The following CASK variants were observed in gnomAD, a reference collection of about 807,000 sequenced individuals.
CASK encodes the protein calcium/calmodulin dependent serine protein kinase.
In CASK, 4 loss-of-function variants were observed where a neutral mutation model predicts 82.9. The ratio of observed to expected loss-of-function variants is 0.05; its 90% CI spans 0.02 to 0.11. CASK has a LOEUF of 0.11. CASK is among the 10% of genes least tolerant of loss of function. CASK has a pLI of 1.00. For missense variants in CASK, 358 were observed against 720.9 expected (o/e 0.50, Z 5.76); for synonymous variants, 259 against 253.5 (o/e 1.02, Z -0.20).
In CASK at chrX:41,809,061, G is replaced by C. The variant is rs189321936; in HGVS notation, c.173-21778C>G. Among the ~76,000 whole-genome samples, 24 of 112,514 alleles carry C rather than the reference G, an allele frequency of 2.1e-4. No homozygotes were observed. The Admixed American group carries it at 2.2e-3, about 10-fold the overall frequency. On this transcript the variant is annotated intron_variant, in intron 2 of 26. Transcript: ENST00000378163. ...TGGGGGAGGGGTGCCCGCCATTGCT[G>C]AGGCTTAAGTAGGTAAACAAAGCGG... is the stretch of plus-strand genomic sequence containing the variant.
intron 1 of CASK, among the ~76,000 whole-genome samples, chrX:41,860,938 A>G (rs1279968619): frequency 8.9e-6 from 1 of 112,299 alleles, no homozygotes; most frequent in Non-Finnish European, 1.9e-5. Flanking sequence ...AACAGCTAGC[A>G]ATGAATCTCC....
At chrX:41,711,824 A>AACC (rs1337487707) in intron 5 of CASK, among the ~76,000 whole-genome samples, 1 of 111,852 alleles carries the variant, frequency 8.9e-6, no homozygotes, top group Non-Finnish European at 1.9e-5. Context: ...GAGAGAGACA[A>AACC]ACCACCCGAC....
At chrX:41,555,577 T>A in intron 20 of CASK, 23 bp downstream of exon 20, 1 of 1,163,348 alleles carries the variant, frequency 8.6e-7, no homozygotes, top group Non-Finnish European at 1.2e-6. Context: ...TTAGAGAAGT[T>A]TCTATAGAGG....
chrX:41,838,229 G>T (rs1000977970), intron 2 of CASK, among the ~76,000 whole-genome samples: 4 of 112,042 alleles, frequency 3.6e-5, no homozygotes, highest in Non-Finnish European at 7.5e-5. Context: ...TTCCCTAATG[G>T]ATAATGATGT....
chrX:41,790,211 G>C, intron 2 of CASK: 3 of 989,172 alleles, frequency 3.0e-6, no homozygotes, highest in African/African-American at 2.1e-5. Flanking sequence ...TTCTTGGACT[G>C]GTGGTTCATA....
chrX:41,608,626 C>T (rs1459150784), intron 12 of CASK, among the ~76,000 whole-genome samples: 1 of 112,366 alleles, frequency 8.9e-6, no homozygotes, highest in African/African-American at 3.2e-5. Context: ...GAACCAAGTT[C>T]TCTAAGAAAG....
At chrX:41,692,718 A>G (rs1022885897) in intron 5 of CASK, among the ~76,000 whole-genome samples, 5 of 111,931 alleles carry the variant, frequency 4.5e-5, no homozygotes, top group Non-Finnish European at 9.4e-5. Context: ...GCTGCTGTGG[A>G]TCAAACACTG....
chrX:41,620,464 T>C (rs1002823039), intron 11 of CASK, among the ~76,000 whole-genome samples: 14 of 112,114 alleles, frequency 1.2e-4, no homozygotes, highest in Admixed American at 1.2e-3. Flanking sequence ...TAGCGATCAA[T>C]TAATACATTG....
chrX:41,545,232 C>T (rs1333737328), intron 21 of CASK, among the ~76,000 whole-genome samples: 5 of 111,508 alleles, frequency 4.5e-5, no homozygotes, highest in Non-Finnish European at 7.5e-5. Context: ...TTCACCATGT[C>T]GGCCAGGCTG....
At chrX:41,896,644 T>C (rs2072275755) in intron 1 of CASK, among the ~76,000 whole-genome samples, 1 of 112,085 alleles carries the variant, frequency 8.9e-6, no homozygotes, top group African/African-American at 3.2e-5. Flanking sequence ...ATACAAATGC[T>C]ATTGTTTTTA....
At chrX:41,707,390 C>T (rs759745234) in intron 5 of CASK, among the ~76,000 whole-genome samples, 2 of 111,841 alleles carry the variant, frequency 1.8e-5, no homozygotes, top group African/African-American at 6.5e-5. Context: ...AACCAGCTAG[C>T]CTCAGCTGAG....
intron 3 of CASK, among the ~76,000 whole-genome samples, chrX:41,768,092 CTG>C (rs1177678989): frequency 9.0e-6 from 1 of 111,491 alleles, no homozygotes; most frequent in Non-Finnish European, 1.9e-5. Context: ...GTAATCTATA[CTG>C]TGTTATTTTT....
intron 22 of CASK, among the ~76,000 whole-genome samples, chrX:41,537,818 T>TTTA (rs55857120): frequency 0.078 from 7,390 of 95,285 alleles, 283 homozygotes; most frequent in East Asian, 0.13. Flanking sequence ...GCCTATTACT[T>TTTA]TTATTATTAT....
At chrX:41,594,031 C>A (rs2065782418) in intron 12 of CASK, among the ~76,000 whole-genome samples, 1 of 111,596 alleles carries the variant, frequency 9.0e-6, no homozygotes, top group East Asian at 2.8e-4. Flanking sequence ...CCTTTACCCA[C>A]CCCCCATTCT....
intron 14 of CASK, among the ~76,000 whole-genome samples, chrX:41,582,522 C>T (rs1296417579): frequency 1.8e-5 from 2 of 110,803 alleles, no homozygotes; most frequent in Non-Finnish European, 3.8e-5. Context: ...ACCATGTTGG[C>T]CAGGCTGGTC....
chrX:41,673,760 C>T lies in CASK; in HGVS notation c.430-2230G>A, dbSNP rs767907851. Among the ~76,000 whole-genome samples, 11 of 101,250 alleles carry T rather than the reference C, an allele frequency of 1.1e-4. No individual in the cohort carries two copies. In the South Asian group the frequency reaches 2.0e-3, roughly 18 times the overall value. 87.9% of individuals were successfully genotyped at this position (101,250 alleles called of 115,157 possible). Reference sequence around the variant, plus strand: ...AAAGGCATGAGAGCAAGGGGCAGAGCGGTGGGAAATGTGATCTGAGGGATG... The same window carrying T: ...AAAGGCATGAGAGCAAGGGGCAGAGTGGTGGGAAATGTGATCTGAGGGATG... On this transcript the variant is annotated intron_variant, in intron 5 of 26. Coordinates refer to ENST00000378163, the MANE Select transcript of CASK (RefSeq NM_001367721.1).
At chrX:41,865,754 C>T (rs1343525677) in intron 1 of CASK, among the ~76,000 whole-genome samples, 7 of 111,461 alleles carry the variant, frequency 6.3e-5, no homozygotes, top group Non-Finnish European at 1.1e-4. Flanking sequence ...GTTCCAATGA[C>T]AGTTTAGTTT....
chrX:41,785,175 T>C (rs1049636051), intron 3 of CASK, among the ~76,000 whole-genome samples: 4 of 108,755 alleles, frequency 3.7e-5, no homozygotes, highest in African/African-American at 1.0e-4. Flanking sequence ...CCCACCTAGT[T>C]TTTGTATTTT....
intron 2 of CASK, among the ~76,000 whole-genome samples, chrX:41,847,860 T>C (rs1237907900): frequency 8.9e-6 from 1 of 111,940 alleles, no homozygotes; most frequent in East Asian, 2.8e-4. Flanking sequence ...CAACACTCAG[T>C]CAGGGAGTTC....
Sources: gnomAD v4.1 joint callset for allele counts (sites outside exome capture counted in the v4.1 genomes callset) on GRCh38, gnomAD v4.1.1 for gene constraint, MANE v1.5 for transcripts, NCBI Gene and HGNC (gene_info 2026-07-23, HGNC 2026-07-21) for gene names.